The following KAZN variants were observed in gnomAD, a reference collection of about 807,000 sequenced individuals.
KAZN encodes kazrin.
KAZN carries 40 observed loss-of-function variants against 87.4 expected under a neutral mutation model. That is an observed-to-expected ratio of 0.46 (90% CI 0.36 to 0.60). KAZN has a LOEUF of 0.60. Ranked by LOEUF, KAZN falls within the 20% of genes least tolerant of loss-of-function variation. The probability of loss-of-function intolerance (pLI) is 0.00; values close to 1 mark genes in which losing one functional copy is unlikely to be tolerated. For missense variants in KAZN, 898 were observed against 1,073.9 expected, an observed-to-expected ratio of 0.84 and a Z score of 2.29; for synonymous variants, 466 against 458.3, an observed-to-expected ratio of 1.02 and a Z score of -0.22.
intron 1 of KAZN, among the ~76,000 whole-genome samples, chr1:14,031,475 T>C (rs1447426590): frequency 2.6e-5 from 4 of 152,332 alleles, no homozygotes; most frequent in Admixed American, 2.6e-4. Context: ...GTTCTCCTTG[T>C]TATAGAAATG....
At chr1:13,911,080 G>T (rs1041476390) in intron 1 of KAZN, among the ~76,000 whole-genome samples, 2 of 151,994 alleles carry the variant, frequency 1.3e-5, no homozygotes, top group Non-Finnish European at 2.9e-5. Context: ...ATGGAGTCTC[G>T]CTCTGTCACC....
intron 1 of KAZN, among the ~76,000 whole-genome samples, chr1:14,899,897 C>G (rs1655670225): frequency 6.6e-6 from 1 of 152,266 alleles, no homozygotes; most frequent in African/African-American, 2.4e-5. Context: ...CTATCGCCCT[C>G]TCTCCTCTGC....
rs553058620 is a variant in KAZN, at chr1:14,641,800, A to G, written c.226+42577A>G. ...GACACCAAAAGCACAACTCATGACC[A>G]ACAACATTTATTAAATTGGACTTCA... On this transcript the variant is annotated intron_variant, in intron 1 of 14. Coordinates refer to ENST00000376030, the MANE Select transcript of KAZN (RefSeq NM_201628.3). Among the ~76,000 whole-genome samples, 268 of 152,380 alleles carry G rather than the reference A, an allele frequency of 1.8e-3. 1 individual carries two copies. Among genetic ancestry groups the G allele is most frequent in the Non-Finnish European group, 2.8e-3 (190 of 68,036 alleles).
intron 1 of KAZN, among the ~76,000 whole-genome samples, chr1:14,917,189 C>T (rs1657904125): frequency 6.6e-6 from 1 of 152,196 alleles, no homozygotes; most frequent in Non-Finnish European, 1.5e-5. Flanking sequence ...GGACAGATGG[C>T]AGGGTGGACC....
chr1:14,024,795 T>A (rs1301067468), intron 1 of KAZN, among the ~76,000 whole-genome samples: 1 of 152,204 alleles, frequency 6.6e-6, no homozygotes, highest in Non-Finnish European at 1.5e-5. Flanking sequence ...GGCTTGCATA[T>A]TAGAATAAAC....
chr1:14,598,981 A>C lies in KAZN; in HGVS notation c.-17A>C. Reference sequence around the variant, plus strand: ...GCTCTTTGTCACCTCTCTCGCCCCCAGGCCAAAATCCTGAGCATGATGGAA... The same window carrying C: ...GCTCTTTGTCACCTCTCTCGCCCCCCGGCCAAAATCCTGAGCATGATGGAA... On this transcript the variant is annotated 5_prime_UTR_variant, in exon 1 of 15. Transcript: ENST00000376030. The surrounding 1 kb of genome is among the most constrained non-coding windows in gnomAD (Gnocchi z 4.2). 1 of 1,566,760 alleles carries C rather than the reference A, an allele frequency of 6.4e-7. No homozygotes were observed. The highest frequency in any genetic ancestry group is 1.2e-5 in the South Asian group (1 of 86,046).
chr1:14,497,774 T>G (rs1018381791), intron 2 of KAZN, among the ~76,000 whole-genome samples: 1 of 152,006 alleles, frequency 6.6e-6, no homozygotes, highest in Non-Finnish European at 1.5e-5. Context: ...ATATTGACTA[T>G]TGCTTGGCCC....
At chr1:14,206,680 A>T (rs960988347) in intron 2 of KAZN, among the ~76,000 whole-genome samples, 4 of 150,008 alleles carry the variant, frequency 2.7e-5, no homozygotes, top group African/African-American at 7.4e-5. Context: ...ATCCCTTTTA[A>T]ACCTAACTTC....
chr1:14,033,499 C>T (rs527656963), intron 1 of KAZN, among the ~76,000 whole-genome samples: 7 of 152,328 alleles, frequency 4.6e-5, no homozygotes, highest in South Asian at 2.1e-4. Context: ...CTCCTGGCTG[C>T]GCAAGTGCCA....
At chr1:14,511,727 G>T (rs527330307) in intron 2 of KAZN, among the ~76,000 whole-genome samples, 2 of 152,254 alleles carry the variant, frequency 1.3e-5, no homozygotes, top group South Asian at 4.1e-4. Context: ...TATTATATGT[G>T]TATCAAATAT....
chr1:14,894,564 A>T (rs1345960488), intron 1 of KAZN, among the ~76,000 whole-genome samples: 1 of 152,188 alleles, frequency 6.6e-6, no homozygotes, highest in African/African-American at 2.4e-5. Flanking sequence ...TTTCCAGCTC[A>T]TCTCAAGCAT....
intron 2 of KAZN, among the ~76,000 whole-genome samples, chr1:14,423,476 A>G (rs1665545190): frequency 6.6e-6 from 1 of 152,216 alleles, no homozygotes; most frequent in South Asian, 2.1e-4. Context: ...GTAAGTATGA[A>G]ACTCTTTGGA....
chr1:14,173,693 CTCTT>C (rs1277335492), intron 1 of KAZN, among the ~76,000 whole-genome samples: 1 of 135,256 alleles, frequency 7.4e-6, no homozygotes, highest in East Asian at 2.5e-4. Flanking sequence ...AGGAGCCTAT[CTCTT>C]TCTCAATAGT....
rs3039717 is a variant in KAZN, at chr1:14,949,155, A to AAATAATAATAATAAT, written c.227-11508_227-11494dup. Among the ~76,000 whole-genome samples, 129 of 143,858 alleles carry AAATAATAATAATAAT rather than the reference A, an allele frequency of 9.0e-4. No homozygotes were observed. Among genetic ancestry groups the AAATAATAATAATAAT allele is most frequent in the African/African-American group, 2.6e-3 (101 of 38,914 alleles). 94.4% of individuals were successfully genotyped at this position (143,858 alleles called of 152,430 possible). Reference sequence around the variant, plus strand: ...GCAACAGAGTGAGACTCCGACTCAAAAATAATAATAATAATAATAATAATA... The same window carrying AAATAATAATAATAAT: ...GCAACAGAGTGAGACTCCGACTCAAAAATAATAATAATAATAATAATAATAATAATAATAATAATA... On this transcript the variant is annotated intron_variant, in intron 1 of 14. Coordinates refer to ENST00000376030, the MANE Select transcript of KAZN (RefSeq NM_201628.3). This position sits in a 1 kb window ranked among gnomAD's most constrained non-coding sequence, Gnocchi z 4.3.
intron 1 of KAZN, among the ~76,000 whole-genome samples, chr1:13,931,456 G>A (rs12030351): frequency 6.7e-6 from 1 of 150,004 alleles, no homozygotes; most frequent in Non-Finnish European, 1.5e-5. Context: ...GGGTGTGTGT[G>A]TGTGTGTGTG....
intron 8 of KAZN, among the ~76,000 whole-genome samples, chr1:15,073,988 G>C (rs1639628365): frequency 6.6e-6 from 1 of 152,176 alleles, no homozygotes; most frequent in Non-Finnish European, 1.5e-5. Context: ...TCTTCACCCA[G>C]AAGCCCCACC....
chr1:14,876,821 C>A (rs1652817300), intron 1 of KAZN, among the ~76,000 whole-genome samples: 1 of 152,126 alleles, frequency 6.6e-6, no homozygotes, highest in Admixed American at 6.5e-5. Context: ...ATAGGCATGT[C>A]TAGATTTGGG....
In KAZN at chr1:14,492,289, G is replaced by A. The variant is rs140201276; in HGVS notation, c.250-106694G>A. On this transcript the variant is annotated intron_variant, in intron 2 of 16. Transcript: ENST00000636203. ...GGCCTCAGGGCTCCCTGGAATTTGG[G>A]GACCCCACAGTTGGTCGCCACCATG... 2.0e-5 allele frequency among the ~76,000 whole-genome samples: 3 copies of A among 151,966 alleles called. No individual in the cohort carries two copies. In the East Asian group the frequency reaches 5.8e-4, roughly 30 times the overall value.
chr1:14,599,131 G>T lies in KAZN; in HGVS notation c.134G>T (p.Gly45Val). 1.3e-5 allele frequency: 20 copies of T among 1,496,212 alleles called. No individual in the cohort carries two copies. The highest frequency in any genetic ancestry group is 1.9e-4 in the Middle Eastern group (1 of 5,350). 92.7% of individuals were successfully genotyped at this position (1,496,212 alleles called of 1,614,324 possible). ...CTGGCGGAACTGAGCGGCGGCGGCG[G>T]CCCCGGCCCGGGCCCGGGAGCCGCG... The part of the protein sequence containing the change: ...RRLAELSGGG[G>V]PGPGPGAAAS... Residue 45 changes from glycine to valine, a missense_variant, in exon 1 of 15, where the codon GGC becomes GTC. Physicochemically the swap from Gly to Val is moderately radical, Grantham distance 109. This residue lies in a region of KAZN where 250 missense variants were observed against 263.0 expected (regional missense o/e 0.95). Transcript: ENST00000376030. The surrounding 1 kb of genome is among the most constrained non-coding windows in gnomAD (Gnocchi z 4.4).
Sources: gnomAD v4.1 joint callset for allele counts (sites outside exome capture counted in the v4.1 genomes callset) on GRCh38, gnomAD v4.1.1 for gene constraint, gnomAD v4.1.1 regional missense constraint, Gnocchi (gnomAD v3.1) non-coding constraint, MANE v1.5 for transcripts, NCBI Gene and HGNC (gene_info 2026-07-23, HGNC 2026-07-21) for gene names.